RASEF: variants seen among roughly 807,000 people sequenced by gnomAD.
The protein encoded by RASEF is ras and EF-hand domain-containing protein.
RASEF carries 68 observed loss-of-function variants against 90.1 expected under a neutral mutation model. The ratio of observed to expected loss-of-function variants is 0.75; its 90% CI spans 0.62 to 0.92. The LOEUF (loss-of-function observed/expected upper bound fraction) is 0.92, where lower values mean the gene tolerates loss of function less well. RASEF is among the 40% of genes least tolerant of loss of function. RASEF has a pLI of 0.00. For synonymous variants in RASEF, 331 were observed against 345.2 expected, an observed-to-expected ratio of 0.96 and a Z score of 0.46; for missense variants, 949 against 937.2, an observed-to-expected ratio of 1.01 and a Z score of -0.16.
At chr9:83,079,304 A>G in the RASEF span, among the ~76,000 whole-genome samples, 61 of 152,220 alleles carry the variant, frequency 4.0e-4, no homozygotes, top group Non-Finnish European at 6.8e-4. Flanking sequence ...TTTATTGAAT[A>G]GGGAGTCTTT....
At chr9:83,132,856 T>C in the RASEF span, among the ~76,000 whole-genome samples, 1 of 152,192 alleles carries the variant, frequency 6.6e-6, no homozygotes, top group African/African-American at 2.4e-5. Context: ...TACTTTACCA[T>C]GGTAATAAAT....
rs1468756232 is a variant in RASEF at position 83,062,899 on chromosome 9, G to C, written c.-32C>G. The C allele has an allele frequency of 9.9e-6, 14 of 1,411,838 alleles. No individual in the cohort carries two copies. In the South Asian group the frequency reaches 1.6e-4, roughly 16 times the overall value. The allele number at this position is 1,411,838 out of a possible 1,614,324, so 87.5% of individuals were successfully genotyped here. On this transcript the variant is annotated 5_prime_UTR_variant, in exon 1 of 17. Transcript: ENST00000376447. Reference sequence around the variant, plus strand: ...TGGCGGGGGCGGCCGAGAGGGCTCCGGAGCGCCGCGGGGCGCAGGGCCCTC... The same window carrying C: ...TGGCGGGGGCGGCCGAGAGGGCTCCCGAGCGCCGCGGGGCGCAGGGCCCTC...
At chr9:83,212,534 T>C in the RASEF span, among the ~76,000 whole-genome samples, 1 of 152,258 alleles carries the variant, frequency 6.6e-6, no homozygotes, top group Non-Finnish European at 1.5e-5. Flanking sequence ...TCGGTATATA[T>C]AGATAAACAG....
At chr9:83,004,614 G>T in intron 8 of RASEF, 28 bp from the exon 9 acceptor site, 1 of 1,367,510 alleles carries the variant, frequency 7.3e-7, no homozygotes, top group Non-Finnish European at 1.0e-6. Context: ...TCATTTGTTA[G>T]TTCATGTAAT....
At chr9:83,070,173 A>G in the RASEF span, among the ~76,000 whole-genome samples, 1 of 152,092 alleles carries the variant, frequency 6.6e-6, no homozygotes, top group African/African-American at 2.4e-5. Flanking sequence ...CAGTTATAGT[A>G]TGTATTTTTA....
chr9:83,155,783 A>T, the RASEF span, among the ~76,000 whole-genome samples: 2 of 152,214 alleles, frequency 1.3e-5, no homozygotes, highest in African/African-American at 4.8e-5. Context: ...CAAACAAAAC[A>T]TAATTTTCTC....
upstream of RASEF, among the ~76,000 whole-genome samples, chr9:83,063,456 T>G (rs1024382706): frequency 6.6e-6 from 1 of 152,232 alleles, no homozygotes; most frequent in African/African-American, 2.4e-5. Context: ...TTAAGTGCAT[T>G]TTATTATCTT....
At chr9:83,130,274 G>A in the RASEF span, among the ~76,000 whole-genome samples, 4 of 152,170 alleles carry the variant, frequency 2.6e-5, no homozygotes, top group African/African-American at 9.6e-5. Flanking sequence ...AGCTGTTTTA[G>A]TTTCACAGCA....
the RASEF span, among the ~76,000 whole-genome samples, chr9:83,185,485 ACAGT>A: frequency 2.0e-5 from 3 of 151,938 alleles, no homozygotes; most frequent in Non-Finnish European, 2.9e-5. Flanking sequence ...CTAAAGAAGC[ACAGT>A]CAATTATCAA....
At chr9:83,012,618 AT>A in intron 4 of RASEF, 107 bp from the exon 5 acceptor site, 1 of 482,412 alleles carries the variant, frequency 2.1e-6, no homozygotes, top group Non-Finnish European at 3.6e-6. Context: ...GAAGTCACCA[AT>A]TTTCAACATT....
chr9:83,006,203 T>G (rs1023077074), intron 7 of RASEF, among the ~76,000 whole-genome samples: 1 of 152,226 alleles, frequency 6.6e-6, no homozygotes, highest in African/African-American at 2.4e-5. Context: ...CCTTCTTTGA[T>G]AGGCCAATGC....
In RASEF at chr9:83,009,725, T is replaced by A; in HGVS notation, c.875A>T (p.Glu292Val). ...ENQKVKKDLLEAQTNIAFLQS... is the reference protein window; with the variant it reads ...ENQKVKKDLLVAQTNIAFLQS... ...AAGAAAGGCTATGTTTGTCTGTGCT[T>A]CTAAAAGGTCTTTCTTAACTTTCTG... Residue 292 changes from glutamate (E) to valine (V), a missense_variant, in exon 6 of 17, where the codon GAA becomes GTA. Glu to Val is a moderately radical substitution (Grantham distance 121). Around this residue, in one of 3 missense-constraint regions of RASEF, gnomAD observed 656 missense variants for 592.2 expected, o/e 1.11. Transcript: ENST00000376447. The A allele has an allele frequency of 6.2e-7, 1 of 1,613,272 alleles. No homozygotes were observed. Among genetic ancestry groups the A allele is most frequent in the Non-Finnish European group, 8.5e-7 (1 of 1,179,344 alleles).
At chr9:83,094,844 C>A in the RASEF span, among the ~76,000 whole-genome samples, 9 of 152,312 alleles carry the variant, frequency 5.9e-5, no homozygotes, top group African/African-American at 1.7e-4. Flanking sequence ...ATTAACATTA[C>A]TTACAGGAAT....
At chr9:82,996,901 G>T (rs2118420319) in intron 14 of RASEF, 111 bp downstream of exon 14, 1 of 668,298 alleles carries the variant, frequency 1.5e-6, no homozygotes, top group Non-Finnish European at 2.7e-6. Context: ...TGATGGCTTG[G>T]ATCAATGGTT....
At chr9:83,144,098 C>G in the RASEF span, among the ~76,000 whole-genome samples, 1 of 151,718 alleles carries the variant, frequency 6.6e-6, no homozygotes, top group Non-Finnish European at 1.5e-5. Flanking sequence ...GGGAGCTAAA[C>G]ACTAAGCATA....
At chr9:83,134,788 G>A in the RASEF span, among the ~76,000 whole-genome samples, 1 of 150,506 alleles carries the variant, frequency 6.6e-6, no homozygotes. Context: ...ATAAACACAT[G>A]TCTACACAAA....
intron 1 of RASEF, among the ~76,000 whole-genome samples, chr9:83,034,749 G>C (rs780817031): frequency 1.3e-5 from 2 of 152,192 alleles, no homozygotes; most frequent in Non-Finnish European, 2.9e-5. Flanking sequence ...GGAATGACCT[G>C]GGTAGATTTA....
At chr9:83,136,662 A>G in the RASEF span, among the ~76,000 whole-genome samples, 1 of 152,108 alleles carries the variant, frequency 6.6e-6, no homozygotes, top group South Asian at 2.1e-4. Context: ...AGTTTATTTC[A>G]CATATTTATT....
chr9:83,049,342 C>T, intron 1 of RASEF: 3 of 985,258 alleles, frequency 3.0e-6, no homozygotes, highest in Non-Finnish European at 3.6e-6. Context: ...TTCCAAGCTA[C>T]ATCTCCACAG....
Sources: allele counts gnomAD v4.1 joint callset (sites outside exome capture counted in the v4.1 genomes callset), GRCh38; gene constraint gnomAD v4.1.1; regional missense constraint gnomAD v4.1.1; transcripts MANE v1.5; gene names NCBI Gene and HGNC (gene_info 2026-07-23, HGNC 2026-07-21).